The following PCDH15 variants were observed in gnomAD, a reference collection of about 807,000 sequenced individuals.
PCDH15 encodes protocadherin related 15, also known as protocadherin-15.
PCDH15 carries 129 observed loss-of-function variants against 178.5 expected under a neutral mutation model. The ratio of observed to expected loss-of-function variants is 0.72; its 90% CI spans 0.63 to 0.84. The LOEUF (loss-of-function observed/expected upper bound fraction) is 0.84, where lower values mean the gene tolerates loss of function less well. Among genes scored for constraint, PCDH15 ranks in the 40% least tolerant of loss-of-function variants. PCDH15 has a pLI of 0.00. For missense variants in PCDH15, 2,230 were observed against 2,099.9 expected (o/e 1.06, Z -1.21); for synonymous variants, 800 against 732.0 (o/e 1.09, Z -1.50).
intron 8 of PCDH15, among the ~76,000 whole-genome samples, chr10:54,300,474 GC>G (rs1411679540): frequency 4.6e-5 from 7 of 152,158 alleles, no homozygotes; most frequent in African/African-American, 1.7e-4. Context: ...TGACCCACTG[GC>G]CCTTTCACTG....
chr10:54,153,756 T>C (rs1162606751), intron 13 of PCDH15, among the ~76,000 whole-genome samples: 1 of 152,168 alleles, frequency 6.6e-6, no homozygotes, highest in Non-Finnish European at 1.5e-5. Context: ...CATTTTTCCT[T>C]CCATAATGTT....
intron 1 of PCDH15, among the ~76,000 whole-genome samples, chr10:54,770,129 T>C (rs1948930048): frequency 1.3e-5 from 2 of 152,174 alleles, no homozygotes; most frequent in Non-Finnish European, 2.9e-5. Flanking sequence ...AAGAAAGTTC[T>C]ATCAGAAAGA....
intron 20 of PCDH15, among the ~76,000 whole-genome samples, chr10:53,997,867 C>A (rs1362312287): frequency 6.6e-6 from 1 of 152,074 alleles, no homozygotes; most frequent in Non-Finnish European, 1.5e-5. Flanking sequence ...AGTAGTATTT[C>A]TTTTTATGGC....
chr10:53,817,432 G>A (rs1410460310), intron 34 of PCDH15, among the ~76,000 whole-genome samples: 1 of 150,890 alleles, frequency 6.6e-6, no homozygotes, highest in Non-Finnish European at 1.5e-5. Flanking sequence ...CTTTAACCTA[G>A]TGATAGGATG....
intron 2 of PCDH15, among the ~76,000 whole-genome samples, chr10:55,377,225 T>G (rs1418865595): frequency 6.6e-6 from 1 of 150,682 alleles, no homozygotes; most frequent in Non-Finnish European, 1.5e-5. Context: ...CAAGGCAAAC[T>G]ATTTTAAGTT....
chr10:54,082,760 T>TAA (rs59138402), intron 16 of PCDH15, among the ~76,000 whole-genome samples: 19 of 134,846 alleles, frequency 1.4e-4, no homozygotes, highest in South Asian at 2.3e-4. Flanking sequence ...TTCGTCAAAA[T>TAA]AAAAAAAAAA....
chr10:54,302,048 A>G (rs945394777), intron 8 of PCDH15, among the ~76,000 whole-genome samples: 8 of 152,200 alleles, frequency 5.3e-5, no homozygotes, highest in African/African-American at 1.9e-4. Flanking sequence ...CATTTTTTTA[A>G]AATTCCCATC....
At chr10:53,853,876 A>G (rs2078555026) in intron 28 of PCDH15, among the ~76,000 whole-genome samples, 1 of 152,030 alleles carries the variant, frequency 6.6e-6, no homozygotes, top group South Asian at 2.1e-4. Context: ...TCTTTAAATT[A>G]GAACTACCAT....
chr10:54,935,478 A>G (rs927100018), intron 2 of PCDH15, among the ~76,000 whole-genome samples: 1 of 152,144 alleles, frequency 6.6e-6, no homozygotes, highest in African/African-American at 2.4e-5. Flanking sequence ...CTTAAAATAT[A>G]CCCTTCAAAT....
chr10:54,599,013 G>T (rs2092385262), intron 2 of PCDH15, among the ~76,000 whole-genome samples: 1 of 152,010 alleles, frequency 6.6e-6, no homozygotes, highest in African/African-American at 2.4e-5. Context: ...TATGCTCATG[G>T]ATAGGAAGAT....
At chr10:54,051,747 T>C (rs766951187) in intron 18 of PCDH15, among the ~76,000 whole-genome samples, 1 of 152,100 alleles carries the variant, frequency 6.6e-6, no homozygotes, top group Admixed American at 6.5e-5. Context: ...CACCAAGACA[T>C]TGGGGAAAAT....
chr10:54,646,645 A>G (rs990932381), intron 2 of PCDH15, among the ~76,000 whole-genome samples: 3 of 152,080 alleles, frequency 2.0e-5, no homozygotes, highest in African/African-American at 7.2e-5. Context: ...TCAGTAGGGC[A>G]GTATTAACAA....
At chr10:54,326,665 A>G (rs1938182081) in intron 7 of PCDH15, among the ~76,000 whole-genome samples, 1 of 152,132 alleles carries the variant, frequency 6.6e-6, no homozygotes, top group Admixed American at 6.6e-5. Flanking sequence ...CTGAACTGAG[A>G]TTTGAACTCA....
intron 2 of PCDH15, among the ~76,000 whole-genome samples, chr10:54,543,414 ATCCTGCCCATTT>A (rs1281109727): frequency 6.6e-6 from 1 of 152,096 alleles, no homozygotes; most frequent in Non-Finnish European, 1.5e-5. Flanking sequence ...AGAGCCCCAC[ATCCTGCCCATTT>A]GCATGCTCCC....
chr10:54,588,229 T>C lies in PCDH15; in HGVS notation c.92-60352A>G, dbSNP rs182121188. 3.5e-3 allele frequency among the ~76,000 whole-genome samples: 536 copies of C among 152,296 alleles called. 1 individual carries two copies. The highest frequency in any genetic ancestry group is 0.012 in the African/African-American group (509 of 41,578). On this transcript the variant is annotated intron_variant, in intron 2 of 37. Coordinates refer to ENST00000644397, the MANE Select transcript of PCDH15 (RefSeq NM_001384140.1). ...TGACACTAAATCAATTTTAAGATAATGCTTCTATTATGTATGTTTCTGTAT... is the reference window on the plus strand; with the variant it reads ...TGACACTAAATCAATTTTAAGATAACGCTTCTATTATGTATGTTTCTGTAT...
chr10:54,105,317 T>TACACAC lies in PCDH15; in HGVS notation c.1918-15260_1918-15255dup, dbSNP rs1554967825. On this transcript the variant is annotated intron_variant, in intron 15 of 37. Coordinates refer to ENST00000644397, the MANE Select transcript of PCDH15 (RefSeq NM_001384140.1). The stretch of plus-strand genomic sequence containing the variant: ...ATATATATATATATATATATATATA[T>TACACAC]ACACACACACATACATATATATACA... Among the ~76,000 whole-genome samples, 59 of 91,612 alleles carry TACACAC rather than the reference T, an allele frequency of 6.4e-4. 1 individual carries two copies. Among genetic ancestry groups the TACACAC allele is most frequent in the Non-Finnish European group, 1.0e-3 (45 of 44,966 alleles). The allele number at this position is 91,612 out of a possible 152,430, so 60.1% of individuals were successfully genotyped here. A position where few individuals can be genotyped will look rare whatever the true frequency, so the allele number is the denominator to read the frequency against.
At chr10:55,257,052 C>T (rs1003388095) in intron 1 of PCDH15, among the ~76,000 whole-genome samples, 1 of 152,176 alleles carries the variant, frequency 6.6e-6, no homozygotes, top group African/African-American at 2.4e-5. Flanking sequence ...CAGGTAGCAA[C>T]ATTTGCTGTT....
Position 54,369,293 on chromosome 10 carries a change from C to A in PCDH15, c.319-18G>T. ...ATCGGTGGCTGCAATGTAGAAATTG[C>A]ATCTTTTAAAATACTAATTAAAAAC... is the stretch of plus-strand genomic sequence containing the variant. On this transcript the variant is annotated intron_variant, in intron 4 of 37. Coordinates refer to ENST00000644397, the MANE Select transcript of PCDH15 (RefSeq NM_001384140.1). 7 of 1,610,540 alleles carry A rather than the reference C, an allele frequency of 4.3e-6. No individual in the cohort carries two copies. The highest frequency in any genetic ancestry group is 5.9e-6 in the Non-Finnish European group (7 of 1,178,100).
chr10:55,132,350 A>G (rs1426172985), intron 2 of PCDH15, among the ~76,000 whole-genome samples: 1 of 152,244 alleles, frequency 6.6e-6, no homozygotes, highest in African/African-American at 2.4e-5. Flanking sequence ...GTGGCTATAA[A>G]CAAGAAAAGT....
Sources: gnomAD v4.1 joint callset for allele counts (sites outside exome capture counted in the v4.1 genomes callset) on GRCh38, gnomAD v4.1.1 for gene constraint, MANE v1.5 for transcripts, NCBI Gene and HGNC (gene_info 2026-07-23, HGNC 2026-07-21) for gene names.